KIZ: variants seen among roughly 807,000 people sequenced by gnomAD.
KIZ encodes kizuna centrosomal protein.
In KIZ, 68 loss-of-function variants were observed where a neutral mutation model predicts 79.6. The ratio of observed to expected loss-of-function variants is 0.85; its 90% CI spans 0.70 to 1.05. The LOEUF is 1.05. Ranked by LOEUF, KIZ falls within the 50% of genes least tolerant of loss-of-function variation. The pLI, the probability that KIZ is intolerant of heterozygous loss-of-function variation, is 0.00. For synonymous variants in KIZ, 280 were observed against 281.8 expected (o/e 0.99, Z 0.06); for missense variants, 797 against 800.4 (o/e 1.00, Z 0.05).
At chr20:21,227,733 C>T (rs867088120) in intron 9 of KIZ, among the ~76,000 whole-genome samples, 3 of 152,140 alleles carry the variant, frequency 2.0e-5, no homozygotes, top group Non-Finnish European at 4.4e-5. Flanking sequence ...ATGCGACCAG[C>T]CTCATCAGGA....
intron 11 of KIZ, among the ~76,000 whole-genome samples, chr20:21,236,187 G>GA (rs1247756719): frequency 6.6e-6 from 1 of 152,244 alleles, no homozygotes; most frequent in Non-Finnish European, 1.5e-5. Context: ...TCAGGCAGCT[G>GA]AAAGTGGCAT....
At chr20:21,166,144 T>G (rs1600429527) in intron 6 of KIZ, 2 of 962,014 alleles carry the variant, frequency 2.1e-6, no homozygotes, top group East Asian at 5.0e-5. Flanking sequence ...TTTTTGTATT[T>G]TGTATTTTTT....
chr20:21,151,750 A>G (rs897246273), intron 4 of KIZ: 3 of 152,220 alleles, frequency 2.0e-5, no homozygotes, highest in Non-Finnish European at 4.4e-5. Context: ...TTTCTTGGAA[A>G]AGAATCTGGT....
chr20:21,214,606 A>G lies in KIZ; in HGVS notation c.1518A>G (p.Ser506=). ...GGTCAGCTATTCACAGTAGTGAATC[A>G]TCTTGCAGCTTGCCATCTATTCTGA... The part of the protein sequence containing the change: ...GRRSAIHSSE[S]SCSLPSILND... Residue 506 remains serine (S), a synonymous_variant, in exon 8 of 13, where the codon TCA becomes TCG. Coordinates refer to ENST00000619189, the MANE Select transcript of KIZ (RefSeq NM_018474.6). 1.9e-6 allele frequency: 3 copies of G among 1,611,798 alleles called. 1 individual carries two copies. The South Asian group carries it at 3.3e-5, about 18-fold the overall frequency.
At chr20:21,169,213 C>T (rs968332379) in intron 6 of KIZ, among the ~76,000 whole-genome samples, 12 of 151,912 alleles carry the variant, frequency 7.9e-5, no homozygotes, top group African/African-American at 2.9e-4. Flanking sequence ...CCAGAATCTA[C>T]AATGAACTCC....
Position 21,136,483 on chromosome 20 carries a change from G to A in KIZ, c.246G>A (p.Lys82=), listed in dbSNP as rs2032194870. The change falls in exon 3 of 13, where the codon AAG becomes AAA. Residue 82 remains lysine (K), a synonymous_variant. Coordinates refer to ENST00000619189, the MANE Select transcript of KIZ (RefSeq NM_018474.6). ...KAHTRNQEYL[K]RFERVQAHVV... ...ATACTCGAAACCAAGAATATTTAAA[G>A]CGATTTGAGCGTGTCCAAGCTCATG... The A allele has an allele frequency of 6.3e-7, 1 of 1,598,502 alleles. No individual in the cohort carries two copies.
chr20:21,145,196 A>G (rs1336273459), intron 3 of KIZ, among the ~76,000 whole-genome samples: 2 of 151,992 alleles, frequency 1.3e-5, no homozygotes, highest in Non-Finnish European at 2.9e-5. Flanking sequence ...AAACTTCTAA[A>G]AGGAAACACT....
At chr20:21,169,772 C>T (rs945591523) in intron 6 of KIZ, among the ~76,000 whole-genome samples, 5 of 152,152 alleles carry the variant, frequency 3.3e-5, no homozygotes, top group African/African-American at 9.7e-5. Flanking sequence ...AAGTACTGAT[C>T]TTTTTAGTGT....
chr20:21,205,581 A>G lies in KIZ; in HGVS notation c.1443A>G (p.Glu481=), dbSNP rs1484034278. 11 of 1,431,110 alleles carry G rather than the reference A, an allele frequency of 7.7e-6. No individual in the cohort carries two copies. Among genetic ancestry groups the G allele is most frequent in the Non-Finnish European group, 9.7e-6 (10 of 1,030,446 alleles). The allele number at this position is 1,431,110 out of a possible 1,614,324, so 88.7% of individuals were successfully genotyped here. A position where few individuals can be genotyped will look rare whatever the true frequency, so the allele number is the denominator to read the frequency against. ...AAGAACATGATAATTCTGTCAAAGA[A>G]GAGGTAGGTAGCTAAACTGTCTGAA... ...TLKEHDNSVK[E]EATALLRKAL... is the part of the protein sequence containing the mutation. Residue 481 remains glutamate (E), a synonymous_variant, in exon 7 of 13, where the codon GAA becomes GAG. Transcript: ENST00000619189.
chr20:21,152,700 C>T (rs1360862048), intron 4 of KIZ, among the ~76,000 whole-genome samples: 4 of 152,160 alleles, frequency 2.6e-5, no homozygotes, highest in South Asian at 2.1e-4. Context: ...CTTAGGCCTA[C>T]GGATGTGAAA....
chr20:21,154,350 T>C (rs2122595859), intron 4 of KIZ, among the ~76,000 whole-genome samples: 1 of 152,362 alleles, frequency 6.6e-6, no homozygotes, highest in South Asian at 2.1e-4. Flanking sequence ...TCTAAACTTG[T>C]TGATCTCTTC....
chr20:21,159,490 C>T (rs1041663182), intron 4 of KIZ, among the ~76,000 whole-genome samples: 19 of 152,222 alleles, frequency 1.2e-4, no homozygotes, highest in African/African-American at 4.1e-4. Flanking sequence ...TTTACCTCCC[C>T]CCGATTCCTT....
At chr20:21,242,940 C>T (rs2037268220) in intron 11 of KIZ, among the ~76,000 whole-genome samples, 2 of 152,306 alleles carry the variant, frequency 1.3e-5, no homozygotes, top group South Asian at 4.1e-4. Flanking sequence ...CCTCTTTCCA[C>T]CCCTCCTAGC....
At chr20:21,203,095 C>T (rs954667765) in intron 6 of KIZ, among the ~76,000 whole-genome samples, 10 of 152,174 alleles carry the variant, frequency 6.6e-5, no homozygotes, top group Non-Finnish European at 1.3e-4. Context: ...GTTTGCCTTG[C>T]TTATCTGAAA....
At chr20:21,176,976 G>C (rs79399694) in intron 6 of KIZ, among the ~76,000 whole-genome samples, 1 of 152,096 alleles carries the variant, frequency 6.6e-6, no homozygotes, top group African/African-American at 2.4e-5. Context: ...TTCATTGTAC[G>C]TGTATTTTCT....
upstream of KIZ, chr20:21,126,067 G>A (rs751687645): frequency 7.1e-7 from 1 of 1,408,334 alleles, no homozygotes; most frequent in African/African-American, 1.6e-5. Context: ...GGCAACCCCG[G>A]CCGAACGGCC....
At chr20:21,183,489 G>A (rs572202680) in intron 6 of KIZ, among the ~76,000 whole-genome samples, 7 of 152,318 alleles carry the variant, frequency 4.6e-5, no homozygotes, top group Admixed American at 2.6e-4. Context: ...AGGCAAGGGC[G>A]CCTTTGGCTG....
At chr20:21,204,105 G>GTTTTT (rs71330816) in intron 6 of KIZ, among the ~76,000 whole-genome samples, 7 of 74,996 alleles carry the variant, frequency 9.3e-5, no homozygotes, top group Non-Finnish European at 1.7e-4. Context: ...AGTCATCTAT[G>GTTTTT]TTTTTTTTTT....
intron 11 of KIZ, among the ~76,000 whole-genome samples, chr20:21,240,227 C>A (rs913131868): frequency 3.3e-5 from 5 of 152,104 alleles, no homozygotes; most frequent in African/African-American, 1.2e-4. Flanking sequence ...AAGGTTCAAG[C>A]GATTCTTCTG....
Sources: gnomAD v4.1 joint callset for allele counts (sites outside exome capture counted in the v4.1 genomes callset) on GRCh38, gnomAD v4.1.1 for gene constraint, MANE v1.5 for transcripts, NCBI Gene and HGNC (gene_info 2026-07-23, HGNC 2026-07-21) for gene names.